The following AOAH variants were observed in gnomAD, a reference collection of about 807,000 sequenced individuals.
The protein encoded by AOAH is acyloxyacyl hydrolase.
A neutral mutation model predicts 92.2 loss-of-function variants in AOAH; 64 were observed. The ratio of observed to expected loss-of-function variants is 0.69; its 90% CI spans 0.57 to 0.86. The LOEUF (loss-of-function observed/expected upper bound fraction) is 0.86. Among genes scored for constraint, AOAH ranks in the 40% least tolerant of loss-of-function variants. The probability of loss-of-function intolerance (pLI) is 0.00; values close to 1 mark genes in which losing one functional copy is unlikely to be tolerated. For synonymous variants in AOAH, 263 were observed against 254.5 expected, an observed-to-expected ratio of 1.03 and a Z score of -0.32; for missense variants, 656 against 694.6, an observed-to-expected ratio of 0.94 and a Z score of 0.62.
chr7:36,615,503 C>G (rs1791801401), intron 11 of AOAH, among the ~76,000 whole-genome samples: 1 of 152,158 alleles, frequency 6.6e-6, no homozygotes, highest in African/African-American at 2.4e-5. Flanking sequence ...AACTTATGGC[C>G]ACAGGAAGCC....
intron 9 of AOAH, among the ~76,000 whole-genome samples, chr7:36,620,044 T>C (rs906209227): frequency 6.6e-5 from 10 of 151,958 alleles, no homozygotes; most frequent in Non-Finnish European, 1.0e-4. Context: ...ATGTAAACAG[T>C]TCTGGTAAAC....
At chr7:36,537,889 G>T (rs1316591007) in intron 16 of AOAH, among the ~76,000 whole-genome samples, 1 of 152,052 alleles carries the variant, frequency 6.6e-6, no homozygotes, top group Non-Finnish European at 1.5e-5. Flanking sequence ...GTTGCCCCCA[G>T]TTGAGAACCA....
intron 6 of AOAH, among the ~76,000 whole-genome samples, chr7:36,631,085 C>A (rs2116222536): frequency 6.6e-6 from 1 of 152,324 alleles, no homozygotes; most frequent in South Asian, 2.1e-4. Flanking sequence ...GTGGCTCACG[C>A]CTGTAATCCC....
At chr7:36,610,159 C>CAAAAAAAA (rs71553082) in intron 11 of AOAH, among the ~76,000 whole-genome samples, 226 of 49,026 alleles carry the variant, frequency 4.6e-3, no homozygotes, top group Middle Eastern at 0.026. Context: ...TCCATAATAG[C>CAAAAAAAA]AAAAAAAAAA....
chr7:36,540,854 A>G (rs758446978), intron 15 of AOAH, among the ~76,000 whole-genome samples: 1 of 152,216 alleles, frequency 6.6e-6, no homozygotes, highest in Non-Finnish European at 1.5e-5. Context: ...ACAGAGTCCC[A>G]TGGTGATCTC....
At chr7:36,548,777 T>A in intron 14 of AOAH, 91 bp from the exon 15 acceptor site, 1 of 1,152,242 alleles carries the variant, frequency 8.7e-7, no homozygotes, top group Non-Finnish European at 1.3e-6. Flanking sequence ...AAAACAATCT[T>A]GGTATGACCA....
intron 1 of AOAH, among the ~76,000 whole-genome samples, chr7:36,693,988 G>A (rs918103711): frequency 6.6e-6 from 1 of 152,208 alleles, no homozygotes; most frequent in Non-Finnish European, 1.5e-5. Context: ...ACATGTTGGA[G>A]TGAACTATCA....
At chr7:36,580,718 G>C (rs1788873058) in intron 12 of AOAH, among the ~76,000 whole-genome samples, 1 of 152,176 alleles carries the variant, frequency 6.6e-6, no homozygotes, top group South Asian at 2.1e-4. Context: ...TTGATTGGAA[G>C]CTGGGCCCCT....
At chr7:36,694,758 T>G (rs1393232296) in intron 1 of AOAH, among the ~76,000 whole-genome samples, 1 of 152,214 alleles carries the variant, frequency 6.6e-6, no homozygotes, top group Non-Finnish European at 1.5e-5. Flanking sequence ...ACTTCATTTT[T>G]CAACTCACTT....
intron 12 of AOAH, among the ~76,000 whole-genome samples, chr7:36,582,425 C>A (rs1788995032): frequency 6.6e-6 from 1 of 152,156 alleles, no homozygotes; most frequent in African/African-American, 2.4e-5. Flanking sequence ...GAGGGCCTGG[C>A]AGTACAGGCA....
chr7:36,659,884 A>G (rs1437843819), intron 3 of AOAH, among the ~76,000 whole-genome samples: 2 of 150,912 alleles, frequency 1.3e-5, no homozygotes, highest in African/African-American at 4.9e-5. Context: ...AGAAGTCTGG[A>G]GCAGCCAAAG....
chr7:36,570,275 T>G (rs944959065), intron 13 of AOAH, among the ~76,000 whole-genome samples: 30 of 152,236 alleles, frequency 2.0e-4, no homozygotes, highest in African/African-American at 7.2e-4. Context: ...TTCGTCCTTC[T>G]GTGACTGGCT....
rs1416336217 is a variant in AOAH, at chr7:36,532,159, A to G, written c.1413T>C (p.Thr471=). 1 of 1,614,204 alleles carries G rather than the reference A, an allele frequency of 6.2e-7. No individual in the cohort carries two copies. Among genetic ancestry groups the G allele is most frequent in the Non-Finnish European group, 8.5e-7 (1 of 1,180,018 alleles). The change falls in exon 18 of 21, where the codon ACT becomes ACC. Residue 471 remains threonine (T), a synonymous_variant. Coordinates refer to ENST00000617537, the MANE Select transcript of AOAH (RefSeq NM_001637.4). ...GWMSSNKTLR[T]LTSERAEQLS... is the part of the protein sequence containing the mutation. ...GTGACAGTCATACCTCTGAAGTGAG[A>G]GTCCGCAACGTCTTGTTGGAAGACA... is the stretch of plus-strand genomic sequence containing the variant.
chr7:36,523,629 G>GTTTTTTTTTTTTTTTTTTTT (rs57628897), intron 19 of AOAH, among the ~76,000 whole-genome samples: 4 of 100,136 alleles, frequency 4.0e-5, no homozygotes, highest in African/African-American at 4.1e-5. Context: ...TGTTTTGCCT[G>GTTTTTTTTTTTTTTTTTTTT]TTTTTTTTTT....
chr7:36,625,355 CA>C (rs1015171488), intron 6 of AOAH, among the ~76,000 whole-genome samples: 6 of 152,176 alleles, frequency 3.9e-5, no homozygotes, highest in Admixed American at 3.3e-4. Flanking sequence ...CGGCAATTCT[CA>C]GAAGTTTATT....
intron 15 of AOAH, among the ~76,000 whole-genome samples, chr7:36,544,864 C>T (rs1785694943): frequency 6.6e-6 from 1 of 152,092 alleles, no homozygotes. Flanking sequence ...TCAGCCTGTG[C>T]AGAAAACCAG....
Position 36,616,406 on chromosome 7 carries a change from A to G in AOAH, c.820T>C (p.Trp274Arg), listed in dbSNP as rs756383676. 6.2e-7 allele frequency: 1 copy of G among 1,614,148 alleles called. No individual in the cohort carries two copies. Among genetic ancestry groups the G allele is most frequent in the East Asian group, 2.2e-5 (1 of 44,892 alleles). ...AAAGACATCTGCGACGCTGTGATCC[A>G]TTCAGGAGAGATGTGAAAATGAGCC... ...AGAHFHISPE[W>R]ITASQMSLNS... Residue 274 changes from tryptophan (W) to arginine (R), a missense_variant, in exon 11 of 21, where the codon TGG becomes CGG. Transcript: ENST00000617537.
At chr7:36,671,732 A>G (rs1390864493) in intron 3 of AOAH, among the ~76,000 whole-genome samples, 3 of 151,826 alleles carry the variant, frequency 2.0e-5, no homozygotes, top group Non-Finnish European at 4.4e-5. Flanking sequence ...GGTAGGGGGT[A>G]GAGGTTTTGG....
chr7:36,675,034 C>T (rs539313284), intron 2 of AOAH, among the ~76,000 whole-genome samples: 232 of 152,322 alleles, frequency 1.5e-3, no homozygotes, highest in African/African-American at 5.4e-3. Flanking sequence ...GCGGGTAGAT[C>T]GCCTGCGGTC....
Sources: gnomAD v4.1 joint callset for allele counts (sites outside exome capture counted in the v4.1 genomes callset) on GRCh38, gnomAD v4.1.1 for gene constraint, MANE v1.5 for transcripts, NCBI Gene and HGNC (gene_info 2026-07-23, HGNC 2026-07-21) for gene names.